MED27: variants seen among roughly 807,000 people sequenced by gnomAD.
MED27 encodes mediator complex subunit 27.
A neutral mutation model predicts 38.2 loss-of-function variants in MED27; 30 were observed. The observed-to-expected ratio is 0.79, with a 90% confidence interval of 0.59 to 1.07. The LOEUF (loss-of-function observed/expected upper bound fraction) is 1.07. Among genes scored for constraint, MED27 ranks in the 50% least tolerant of loss-of-function variants. The pLI is 0.00. For missense variants in MED27, 289 were observed against 397.5 expected, an observed-to-expected ratio of 0.73 and a Z score of 2.32; for synonymous variants, 122 against 153.5, an observed-to-expected ratio of 0.79 and a Z score of 1.52.
intron 2 of MED27, among the ~76,000 whole-genome samples, chr9:132,058,165 C>A (rs2131146278): frequency 6.6e-6 from 1 of 152,204 alleles, no homozygotes; most frequent in Admixed American, 6.5e-5. Context: ...ATAAAAAGCA[C>A]AATATAACAT....
intron 4 of MED27, among the ~76,000 whole-genome samples, chr9:131,933,322 C>T (rs750399001): frequency 1.3e-5 from 2 of 152,028 alleles, no homozygotes; most frequent in Admixed American, 1.3e-4. Flanking sequence ...GTCAAATTAT[C>T]CTTGTTAGCA....
intron 2 of MED27, among the ~76,000 whole-genome samples, chr9:132,041,561 T>G (rs1174909596): frequency 2.0e-5 from 3 of 152,222 alleles, no homozygotes; most frequent in Non-Finnish European, 4.4e-5. Flanking sequence ...TGTCGGGCAC[T>G]GCAAGCACAG....
At chr9:131,910,486 T>C (rs1340726916) in intron 4 of MED27, among the ~76,000 whole-genome samples, 1 of 152,262 alleles carries the variant, frequency 6.6e-6, no homozygotes, top group Non-Finnish European at 1.5e-5. Context: ...GGGGTGCCAG[T>C]GAAATAACAT....
chr9:131,918,393 C>T (rs899766447), intron 4 of MED27, among the ~76,000 whole-genome samples: 1 of 152,166 alleles, frequency 6.6e-6, no homozygotes, highest in African/African-American at 2.4e-5. Flanking sequence ...GATATAAGTG[C>T]ACCACTGCCT....
At position 131,860,626 on chromosome 9, in the gene MED27, C is replaced by T. The variant is rs756095470; in HGVS notation, c.848G>A (p.Arg283His). Residue 283 changes from arginine to histidine, a missense_variant, in exon 8 of 8, where the codon CGC becomes CAC. Coordinates refer to ENST00000292035, the MANE Select transcript of MED27 (RefSeq NM_004269.4). This position sits in a 1 kb window ranked among gnomAD's most constrained non-coding sequence, Gnocchi z 5.8. ...GCCGTCCTGCAGAAACTTCCCGCAG[C>T]GCTGGCACGGGGCCTGGAACAGCTT... ...YIKLFQAPCQ[R>H]CGKFLQDGLP... is the part of the protein sequence containing the mutation. 12 of 1,612,162 alleles carry T rather than the reference C, an allele frequency of 7.4e-6. No individual in the cohort carries two copies. The highest frequency in any genetic ancestry group is 1.0e-5 in the Non-Finnish European group (12 of 1,179,266).
chr9:132,005,509 C>T (rs1214576142), intron 3 of MED27, among the ~76,000 whole-genome samples: 1 of 152,150 alleles, frequency 6.6e-6, no homozygotes, highest in Non-Finnish European at 1.5e-5. Flanking sequence ...GTGCTCCTGA[C>T]CGTTCATGAG....
chr9:131,998,716 G>A (rs890388622), intron 3 of MED27, among the ~76,000 whole-genome samples: 2 of 152,092 alleles, frequency 1.3e-5, no homozygotes, highest in Non-Finnish European at 2.9e-5. Flanking sequence ...AAGAATGGTG[G>A]GGTGAGGTCT....
intron 3 of MED27, among the ~76,000 whole-genome samples, chr9:132,013,164 C>T (rs1419269660): frequency 2.0e-5 from 3 of 152,302 alleles, no homozygotes; most frequent in South Asian, 4.1e-4. Flanking sequence ...TTGCACTCAC[C>T]TACTAGGGCT....
intron 2 of MED27, among the ~76,000 whole-genome samples, chr9:132,071,960 A>G (rs911380808): frequency 2.6e-5 from 4 of 151,744 alleles, no homozygotes; most frequent in Non-Finnish European, 5.9e-5. Context: ...GTAACATGCA[A>G]TCCATGAGTA....
chr9:131,871,770 G>C (rs535377919), intron 6 of MED27, among the ~76,000 whole-genome samples: 1 of 152,324 alleles, frequency 6.6e-6, no homozygotes, highest in African/African-American at 2.4e-5. Flanking sequence ...AGCTGGTCTT[G>C]AACTCCTAGG....
At chr9:132,068,351 G>A (rs1833855017) in intron 2 of MED27, among the ~76,000 whole-genome samples, 1 of 152,172 alleles carries the variant, frequency 6.6e-6, no homozygotes, top group Admixed American at 6.5e-5. Context: ...AAGTGCCAGC[G>A]AGGGAGCTGG....
intron 5 of MED27, among the ~76,000 whole-genome samples, chr9:131,891,470 T>C (rs558155892): frequency 6.6e-6 from 1 of 152,202 alleles, no homozygotes; most frequent in Non-Finnish European, 1.5e-5. Context: ...AAGAATTTGG[T>C]GGCCAAATAA....
intron 4 of MED27, among the ~76,000 whole-genome samples, chr9:131,911,951 T>A (rs1830197324): frequency 6.6e-6 from 1 of 152,152 alleles, no homozygotes; most frequent in Non-Finnish European, 1.5e-5. Flanking sequence ...TGGCCCCAAC[T>A]TCCCTGCTGC....
intron 4 of MED27, among the ~76,000 whole-genome samples, chr9:131,934,929 G>A (rs1352631311): frequency 6.6e-6 from 1 of 152,190 alleles, no homozygotes; most frequent in Non-Finnish European, 1.5e-5. Flanking sequence ...TGGAAATGGA[G>A]GTTGTTAAGT....
At chr9:131,895,089 A>G (rs1347245492) in intron 4 of MED27, among the ~76,000 whole-genome samples, 1 of 152,148 alleles carries the variant, frequency 6.6e-6, no homozygotes, top group African/African-American at 2.4e-5. Context: ...TGCTTCTTAT[A>G]CTTCCTAACC....
At chr9:132,018,875 AAAG>A (rs953872925) in intron 2 of MED27, among the ~76,000 whole-genome samples, 4 of 152,030 alleles carry the variant, frequency 2.6e-5, no homozygotes, top group Non-Finnish European at 5.9e-5. Flanking sequence ...AAAGGGGAAA[AAAG>A]AGCTCTCCTG....
intron 3 of MED27, among the ~76,000 whole-genome samples, chr9:132,007,185 T>A (rs1298926333): frequency 1.3e-5 from 2 of 152,152 alleles, no homozygotes; most frequent in Admixed American, 1.3e-4. Flanking sequence ...GCAACACTTG[T>A]CACTGCATGC....
At chr9:131,892,610 A>C (rs900784553) in intron 5 of MED27, among the ~76,000 whole-genome samples, 3 of 152,196 alleles carry the variant, frequency 2.0e-5, no homozygotes, top group Non-Finnish European at 2.9e-5. Flanking sequence ...ACCAGGAGTG[A>C]CTATGAAGTT....
intron 5 of MED27, among the ~76,000 whole-genome samples, chr9:131,885,797 CAG>C (rs1208461198): frequency 4.6e-5 from 7 of 152,322 alleles, no homozygotes; most frequent in African/African-American, 1.7e-4. Context: ...ACAGTGCTGA[CAG>C]AGACGGCTCA....
Sources: allele counts gnomAD v4.1 joint callset (sites outside exome capture counted in the v4.1 genomes callset), GRCh38; gene constraint gnomAD v4.1.1; non-coding constraint Gnocchi (gnomAD v3.1); transcripts MANE v1.5; gene names NCBI Gene and HGNC (gene_info 2026-07-23, HGNC 2026-07-21).